Variants in TENM3 observed in about 807,000 individuals in gnomAD.
TENM3 encodes teneurin-3.
A neutral mutation model predicts 255.1 loss-of-function variants in TENM3; 63 were observed. The observed-to-expected ratio is 0.25, with a 90% CI of 0.20 to 0.30. The LOEUF (loss-of-function observed/expected upper bound fraction) is 0.30. Ranked by LOEUF, TENM3 falls within the 10% of genes least tolerant of loss-of-function variation. TENM3 has a pLI of 1.00. For missense variants in TENM3, 2,929 were observed against 3,461.1 expected, an observed-to-expected ratio of 0.85 and a Z score of 3.86; for synonymous variants, 1,306 against 1,322.3, an observed-to-expected ratio of 0.99 and a Z score of 0.27.
chr4:181,866,310 T>A, the TENM3 span, among the ~76,000 whole-genome samples: 3 of 152,208 alleles, frequency 2.0e-5, no homozygotes, highest in Non-Finnish European at 4.4e-5. Context: ...AACTGTGTGG[T>A]GATCAGTTGT....
chr4:182,233,299 C>G (rs1579827191), intron 1 of TENM3, among the ~76,000 whole-genome samples: 1 of 152,228 alleles, frequency 6.6e-6, no homozygotes, highest in Admixed American at 6.5e-5. Flanking sequence ...CACATGATCC[C>G]ACACTGGCAC....
Position 182,688,154 on chromosome 4 carries a change from C to T in TENM3, c.2036-12C>T. 6.3e-7 allele frequency: 1 copy of T among 1,578,606 alleles called. No homozygotes were observed. The highest frequency in any genetic ancestry group is 8.6e-7 in the Non-Finnish European group (1 of 1,158,142). On this transcript the variant is annotated splice_polypyrimidine_tract_variant and intron_variant, in intron 11 of 27. Transcript: ENST00000511685. ...CTTCTCTCCTGTTTTGTGTCCTCTT[C>T]CTCCCACATAGAAATATGTTCTGTG...
chr4:182,312,435 C>T (rs1457360477), intron 1 of TENM3, among the ~76,000 whole-genome samples: 2 of 152,160 alleles, frequency 1.3e-5, no homozygotes, highest in East Asian at 3.9e-4. Flanking sequence ...CCTGGCATGT[C>T]CACTGAGGTG....
the TENM3 span, among the ~76,000 whole-genome samples, chr4:181,986,063 G>T: frequency 3.5e-4 from 53 of 152,194 alleles, no homozygotes; most frequent in Admixed American, 3.3e-3. Context: ...TAGGGCTCTA[G>T]TTGGCTGAAC....
the TENM3 span, among the ~76,000 whole-genome samples, chr4:181,686,255 A>C: frequency 2.0e-5 from 3 of 152,258 alleles, no homozygotes; most frequent in African/African-American, 7.2e-5. Context: ...TTTTCAGTTA[A>C]ATGTTTTAGG....
the TENM3 span, among the ~76,000 whole-genome samples, chr4:182,030,042 T>C: frequency 1.2e-5 from 1 of 82,568 alleles, no homozygotes; most frequent in Non-Finnish European, 2.5e-5. Context: ...CTATGTTCAA[T>C]CAATGCATCT....
At chr4:181,494,351 C>G in the TENM3 span, among the ~76,000 whole-genome samples, 1 of 152,184 alleles carries the variant, frequency 6.6e-6, no homozygotes, top group Admixed American at 6.5e-5. Context: ...ATGGCGCAAT[C>G]TTAGCTCACT....
the TENM3 span, among the ~76,000 whole-genome samples, chr4:181,639,606 G>C: frequency 2.6e-5 from 4 of 152,186 alleles, no homozygotes; most frequent in South Asian, 6.2e-4. Flanking sequence ...CAGGCATGGT[G>C]GCAGGCCCCT....
the TENM3 span, among the ~76,000 whole-genome samples, chr4:181,553,643 G>T: frequency 4.6e-5 from 7 of 151,906 alleles, no homozygotes; most frequent in East Asian, 1.4e-3. Context: ...GGGTTTCACC[G>T]TGTTAGCCAG....
the TENM3 span, among the ~76,000 whole-genome samples, chr4:181,812,454 T>G: frequency 6.6e-6 from 1 of 152,206 alleles, no homozygotes; most frequent in Non-Finnish European, 1.5e-5. Flanking sequence ...AAATTAGTTA[T>G]GCTGATTATT....
chr4:182,194,539 C>A (rs1041424681), intron 1 of TENM3, among the ~76,000 whole-genome samples: 2 of 152,206 alleles, frequency 1.3e-5, no homozygotes, highest in Non-Finnish European at 2.9e-5. Flanking sequence ...AATATGCACT[C>A]CTTGGCTAAG....
chr4:182,473,534 G>GTA, intron 3 of TENM3, among the ~76,000 whole-genome samples: 1 of 152,134 alleles, frequency 6.6e-6, no homozygotes, highest in Non-Finnish European at 1.5e-5. Context: ...TTAGCCAGGC[G>GTA]TGGTGGCGGG....
chr4:182,499,049 G>A (rs764783402), intron 3 of TENM3, among the ~76,000 whole-genome samples: 11 of 152,140 alleles, frequency 7.2e-5, no homozygotes, highest in Non-Finnish European at 1.3e-4. Context: ...TATAATTCTG[G>A]TAGAAGCCTG....
At chr4:182,336,084 G>C (rs1293623295) in intron 2 of TENM3, among the ~76,000 whole-genome samples, 1 of 152,156 alleles carries the variant, frequency 6.6e-6, no homozygotes, top group Non-Finnish European at 1.5e-5. Context: ...ATCAATGGAA[G>C]CGGCTACTGT....
chr4:182,069,715 A>AC, the TENM3 span, among the ~76,000 whole-genome samples: 7 of 150,822 alleles, frequency 4.6e-5, no homozygotes, highest in Non-Finnish European at 3.0e-5. Context: ...ACACACACAC[A>AC]AATACACTCT....
At chr4:181,508,549 T>C in the TENM3 span, among the ~76,000 whole-genome samples, 4 of 152,214 alleles carry the variant, frequency 2.6e-5, no homozygotes, top group African/African-American at 9.6e-5. Context: ...TACTTCGGTG[T>C]TTGTAATGCT....
At chr4:182,122,009 T>G in the TENM3 span, among the ~76,000 whole-genome samples, 6 of 152,248 alleles carry the variant, frequency 3.9e-5, no homozygotes, top group Non-Finnish European at 7.3e-5. Flanking sequence ...ATTTTGACAA[T>G]GTTCACAACA....
intron 2 of TENM3, among the ~76,000 whole-genome samples, chr4:182,338,192 C>T (rs892469890): frequency 5.3e-5 from 8 of 152,082 alleles, no homozygotes; most frequent in South Asian, 4.1e-4. Context: ...TGTATTTTCC[C>T]GGCTTCCACA....
upstream of TENM3, among the ~76,000 whole-genome samples, chr4:182,241,861 T>C (rs926160042): frequency 6.6e-6 from 1 of 152,002 alleles, no homozygotes; most frequent in African/African-American, 2.4e-5. Flanking sequence ...TTGACCGTTC[T>C]TTTAAAAACG....
Sources: allele counts gnomAD v4.1 joint callset (sites outside exome capture counted in the v4.1 genomes callset), GRCh38; gene constraint gnomAD v4.1.1; transcripts MANE v1.5; gene names NCBI Gene and HGNC (gene_info 2026-07-23, HGNC 2026-07-21).